PIK3CB: variants seen among roughly 807,000 people sequenced by gnomAD.
PIK3CB encodes phosphatidylinositol-4,5-bisphosphate 3-kinase catalytic subunit beta, also known as phosphatidylinositol 4,5-bisphosphate 3-kinase catalytic subunit beta isoform.
Under a neutral mutation model 136.8 loss-of-function variants are expected in PIK3CB, and 39 were observed. The observed-to-expected ratio is 0.29, with a 90% CI of 0.22 to 0.37. PIK3CB has a LOEUF of 0.37. Among genes scored for constraint, PIK3CB ranks in the 10% least tolerant of loss-of-function variants. The probability of loss-of-function intolerance (pLI) is 1.00; values close to 1 mark genes in which losing one functional copy is unlikely to be tolerated. For missense variants in PIK3CB, 868 were observed against 1,275.4 expected (o/e 0.68, Z 4.87); for synonymous variants, 428 against 436.6 (o/e 0.98, Z 0.25).
At chr3:138,722,059 C>T (rs2044736416) in intron 8 of PIK3CB, among the ~76,000 whole-genome samples, 1 of 151,660 alleles carries the variant, frequency 6.6e-6, no homozygotes, top group Admixed American at 6.6e-5. Flanking sequence ...AATATGTAGC[C>T]CACATCAAAA....
chr3:138,804,780 T>TC, intron 1 of PIK3CB, among the ~76,000 whole-genome samples: 1 of 152,172 alleles, frequency 6.6e-6, no homozygotes, highest in East Asian at 1.9e-4. Flanking sequence ...ATCCCAGCAC[T>TC]TTGGGAGGCC....
intron 1 of PIK3CB, among the ~76,000 whole-genome samples, chr3:138,814,933 C>T (rs187337723): frequency 1.1e-3 from 165 of 151,776 alleles, no homozygotes; most frequent in African/African-American, 3.8e-3. Context: ...GTCAAGAGAT[C>T]GAGACCATCC....
At chr3:138,786,838 G>C (rs956659361) in intron 2 of PIK3CB, among the ~76,000 whole-genome samples, 1 of 152,170 alleles carries the variant, frequency 6.6e-6, no homozygotes, top group East Asian at 1.9e-4. Flanking sequence ...CCTCTATCAT[G>C]TGGCAGTCAA....
intron 2 of PIK3CB, among the ~76,000 whole-genome samples, chr3:138,769,154 T>C (rs146494519): frequency 0.018 from 2,670 of 152,284 alleles, 34 homozygotes; most frequent in Middle Eastern, 0.034. Context: ...CCACAGAGCA[T>C]GCAGCCCCGG....
chr3:138,690,034 TGA>T (rs2043974452), intron 15 of PIK3CB, among the ~76,000 whole-genome samples: 1 of 151,978 alleles, frequency 6.6e-6, no homozygotes, highest in Non-Finnish European at 1.5e-5. Flanking sequence ...TGTTATTCCC[TGA>T]GAGGTTTAAA....
At chr3:138,792,509 A>T (rs1212555225) in intron 2 of PIK3CB, among the ~76,000 whole-genome samples, 2 of 152,066 alleles carry the variant, frequency 1.3e-5, no homozygotes, top group Non-Finnish European at 2.9e-5. Flanking sequence ...AAGTAGGCGG[A>T]ACTGCAGGCA....
intron 2 of PIK3CB, among the ~76,000 whole-genome samples, chr3:138,792,449 C>T (rs551211651): frequency 5.3e-5 from 8 of 152,240 alleles, no homozygotes; most frequent in Admixed American, 1.3e-4. Context: ...TCTGGGCTCA[C>T]TGCAGCCTCG....
intron 2 of PIK3CB, among the ~76,000 whole-genome samples, chr3:138,789,050 G>A (rs889924283): frequency 6.6e-6 from 1 of 151,096 alleles, no homozygotes; most frequent in African/African-American, 2.4e-5. Flanking sequence ...CAAGGCTGTG[G>A]AGAAACTGGA....
In PIK3CB at chr3:138,742,573, A is replaced by G; in HGVS notation, c.606T>C (p.His202=). Residue 202 remains histidine, a synonymous_variant, in exon 5 of 24, where the codon CAT becomes CAC. Coordinates refer to ENST00000674063, the MANE Select transcript of PIK3CB (RefSeq NM_006219.3). ...LYGGKLIVAV[H]FENCQDVFSF... Reference sequence around the variant, plus strand: ...ATAATCCTACCTGGCAGTTTTCAAAATGAACAGCTACGATGAGCTTTCCCC... The same window carrying G: ...ATAATCCTACCTGGCAGTTTTCAAAGTGAACAGCTACGATGAGCTTTCCCC... 1.3e-6 allele frequency: 2 copies of G among 1,536,108 alleles called. No individual in the cohort carries two copies. Among genetic ancestry groups the G allele is most frequent in the Non-Finnish European group, 1.8e-6 (2 of 1,122,554 alleles).
chr3:138,784,602 G>A (rs2045954812), intron 2 of PIK3CB, among the ~76,000 whole-genome samples: 1 of 152,172 alleles, frequency 6.6e-6, no homozygotes. Context: ...ACTGGTTTTT[G>A]TATTTTTTGG....
At chr3:138,660,349 T>C (rs564406361) in intron 21 of PIK3CB, among the ~76,000 whole-genome samples, 8 of 152,218 alleles carry the variant, frequency 5.3e-5, no homozygotes, top group African/African-American at 1.4e-4. Flanking sequence ...TATGTGCTGA[T>C]TGTAAAAAAC....
chr3:138,788,547 C>T (rs1367452162), intron 2 of PIK3CB, among the ~76,000 whole-genome samples: 1 of 147,020 alleles, frequency 6.8e-6, no homozygotes, highest in African/African-American at 2.5e-5. Context: ...ATCCCAGCTA[C>T]TTGGGAAGCT....
intron 2 of PIK3CB, among the ~76,000 whole-genome samples, chr3:138,788,788 C>A (rs2046012190): frequency 6.6e-6 from 1 of 150,546 alleles, no homozygotes; most frequent in Non-Finnish European, 1.5e-5. Context: ...CATGGTGAAA[C>A]CCCGTATCTA....
intron 4 of PIK3CB, among the ~76,000 whole-genome samples, chr3:138,749,642 C>T (rs1308890315): frequency 6.6e-6 from 1 of 152,080 alleles, no homozygotes; most frequent in Non-Finnish European, 1.5e-5. Context: ...ATTTCTTTTC[C>T]TTGAATAGGC....
rs148868742 is a variant in PIK3CB at position 138,726,968 on chromosome 3, T to C, written c.1050+6393A>G. Among the ~76,000 whole-genome samples the C allele has an allele frequency of 8.5e-5, 13 of 152,162 alleles. No individual in the cohort carries two copies. In the East Asian group the frequency reaches 2.5e-3, roughly 29 times the overall value. ...CAGGAGTCTGAGGCAGGAGGGTATC[T>C]TGAACCCAGGAAGTCAAGGCTGCAG... On this transcript the variant is annotated intron_variant, in intron 8 of 23. Coordinates refer to ENST00000674063, the MANE Select transcript of PIK3CB (RefSeq NM_006219.3).
intron 2 of PIK3CB, among the ~76,000 whole-genome samples, chr3:138,786,633 AC>A (rs1223209887): frequency 6.6e-6 from 1 of 152,196 alleles, no homozygotes; most frequent in African/African-American, 2.4e-5. Flanking sequence ...GGCATGAGCC[AC>A]CGTGCCCAGC....
At chr3:138,823,526 A>C (rs1331055321) in intron 1 of PIK3CB, among the ~76,000 whole-genome samples, 1 of 151,964 alleles carries the variant, frequency 6.6e-6, no homozygotes, top group African/African-American at 2.4e-5. Context: ...AACATGGTGA[A>C]ACCTCGTCTC....
chr3:138,726,671 A>G (rs897806399), intron 8 of PIK3CB, among the ~76,000 whole-genome samples: 5 of 152,178 alleles, frequency 3.3e-5, no homozygotes, highest in African/African-American at 1.2e-4. Context: ...AAATAATGTC[A>G]TCTTCTAGAC....
chr3:138,808,426 T>C (rs945230114), intron 1 of PIK3CB, among the ~76,000 whole-genome samples: 18 of 150,890 alleles, frequency 1.2e-4, no homozygotes, highest in African/African-American at 4.4e-4. Flanking sequence ...AGCCCAGGAG[T>C]TCAAGACCAG....
Sources: allele counts gnomAD v4.1 joint callset (sites outside exome capture counted in the v4.1 genomes callset), GRCh38; gene constraint gnomAD v4.1.1; transcripts MANE v1.5; gene names NCBI Gene and HGNC (gene_info 2026-07-23, HGNC 2026-07-21).